The following ZW10 variants were observed in gnomAD, a reference collection of about 807,000 sequenced individuals.
ZW10 encodes the protein centromere/kinetochore protein zw10 homolog.
Under a neutral mutation model 87.8 loss-of-function variants are expected in ZW10, and 53 were observed. That is an observed-to-expected ratio of 0.60 (90% CI 0.48 to 0.76). The LOEUF (loss-of-function observed/expected upper bound fraction) is 0.76, where lower values mean the gene tolerates loss of function less well. Among genes scored for constraint, ZW10 ranks in the 30% least tolerant of loss-of-function variants. The pLI is 0.00. For synonymous variants in ZW10, 312 were observed against 329.2 expected (o/e 0.95, Z 0.57); for missense variants, 837 against 923.0 (o/e 0.91, Z 1.21).
chr11:113,763,274 C>T (rs1162407073), intron 2 of ZW10, among the ~76,000 whole-genome samples: 1 of 152,162 alleles, frequency 6.6e-6, no homozygotes, highest in Admixed American at 6.5e-5. Context: ...CATTGATGGG[C>T]ATTTCGGTTG....
At chr11:113,763,942 T>C (rs951744763) in intron 2 of ZW10, among the ~76,000 whole-genome samples, 2 of 152,236 alleles carry the variant, frequency 1.3e-5, no homozygotes, top group African/African-American at 4.8e-5. Flanking sequence ...CCCATGCCTA[T>C]GTCCTGAATG....
rs148427070 is a variant in ZW10 at position 113,739,355 on chromosome 11, C to T, written c.1611G>A (p.Leu537=). The T allele has an allele frequency of 1.9e-6, 3 of 1,602,294 alleles. No individual in the cohort carries two copies. The African/African-American group carries it at 4.0e-5, about 22-fold the overall frequency. Residue 537 remains leucine, a synonymous_variant, in exon 12 of 16, where the codon TTG becomes TTA. Coordinates refer to ENST00000200135, the MANE Select transcript of ZW10 (RefSeq NM_004724.4). ...TACAGTTGTTGTGATGAATAGCAGC[C>T]AACTGGGGAAGTTTTTGAAGGTTCT... ...HKENLQKLPQ[L]AAIHHNNCMY... is the part of the protein sequence containing the mutation.
chr11:113,766,758 C>G lies in ZW10; in HGVS notation c.240+2075G>C, dbSNP rs188046696. 5.4e-4 allele frequency among the ~76,000 whole-genome samples: 79 copies of G among 145,656 alleles called. No individual in the cohort carries two copies. The East Asian group carries it at 0.015, about 27-fold the overall frequency. ...GAGGCTGGGTATAGTGGCTCACGCC[C>G]GTAATCCCAGCACTTTGGGAGGCAG... On this transcript the variant is annotated intron_variant, in intron 2 of 15. Transcript: ENST00000200135.
At chr11:113,758,261 T>C (rs1365087356) in intron 6 of ZW10, among the ~76,000 whole-genome samples, 1 of 151,682 alleles carries the variant, frequency 6.6e-6, no homozygotes, top group Admixed American at 6.6e-5. Context: ...TACCATGACA[T>C]TACACACCAA....
At chr11:113,746,495 C>CAAAAAAAAAAAAAAAAAAAAAAAAACA (rs566009326) in intron 9 of ZW10, among the ~76,000 whole-genome samples, 1 of 105,342 alleles carries the variant, frequency 9.5e-6, no homozygotes, top group Non-Finnish European at 1.8e-5. Context: ...ACAAAACAGT[C>CAAAAAAAAAAAAAAAAAAAAAAAAACA]AAAAAAAAAA....
rs1195630850 is a variant in ZW10 at position 113,747,833 on chromosome 11, T to C, written c.1090-120A>G. The C allele has an allele frequency of 1.0e-5, 7 of 680,796 alleles. No homozygotes were observed. In the South Asian group the frequency reaches 1.7e-4, roughly 17 times the overall value. 42.2% of individuals were successfully genotyped at this position (680,796 alleles called of 1,614,324 possible). A position where few individuals can be genotyped will look rare whatever the true frequency, so the allele number is the denominator to read the frequency against. ...AAGCTGGTCATTTTAGAATGGACCA[T>C]CAATTACTAGGTATAAAAATATACA... On this transcript the variant is annotated intron_variant, in intron 8 of 15. Transcript: ENST00000200135.
At chr11:113,746,495 C>CAAAAAAAAAAAAAAAAAAAAAAGAAA (rs566009326) in intron 9 of ZW10, among the ~76,000 whole-genome samples, 1 of 105,342 alleles carries the variant, frequency 9.5e-6, no homozygotes, top group Non-Finnish European at 1.8e-5. Context: ...ACAAAACAGT[C>CAAAAAAAAAAAAAAAAAAAAAAGAAA]AAAAAAAAAA....
intron 7 of ZW10, among the ~76,000 whole-genome samples, chr11:113,754,422 T>C (rs1354138221): frequency 1.3e-5 from 2 of 151,686 alleles, no homozygotes; most frequent in Non-Finnish European, 2.9e-5. Flanking sequence ...GAGGCAGAGG[T>C]TGCAGTGAGC....
In ZW10 at chr11:113,758,590, C is replaced by T; in HGVS notation, c.697G>A (p.Val233Ile). ...PISSVLLAFS[V>I]LGELHSKLKS... ...AGCTTGCTGTGTAGTTCTCCAAGAA[C>T]AGAAAATGCCAAGAGGACAGAACTG... The change falls in exon 6 of 16, where the codon GTT becomes ATT. Residue 233 changes from valine (V) to isoleucine (I), a missense_variant. Physicochemically the swap from Val to Ile is conservative, Grantham distance 29. Coordinates refer to ENST00000200135, the MANE Select transcript of ZW10 (RefSeq NM_004724.4). 1 of 1,614,022 alleles carries T rather than the reference C, an allele frequency of 6.2e-7. No homozygotes were observed. The highest frequency in any genetic ancestry group is 8.5e-7 in the Non-Finnish European group (1 of 1,179,986).
rs115644452 is a variant in ZW10 at position 113,765,113 on chromosome 11, C to A, written c.240+3720G>T. On this transcript the variant is annotated intron_variant, in intron 2 of 15. Coordinates refer to ENST00000200135, the MANE Select transcript of ZW10 (RefSeq NM_004724.4). The stretch of plus-strand genomic sequence containing the variant: ...TGCTAACACAATACAATGTACAGGA[C>A]AGACCTCTACAACAAAGAATTATCC... Among the ~76,000 whole-genome samples, 413 of 152,312 alleles carry A rather than the reference C, an allele frequency of 2.7e-3. 3 individuals carry two copies. The highest frequency in any genetic ancestry group is 9.4e-3 in the African/African-American group (392 of 41,568).
At chr11:113,766,224 G>C (rs1336212802) in intron 2 of ZW10, among the ~76,000 whole-genome samples, 1 of 151,838 alleles carries the variant, frequency 6.6e-6, no homozygotes, top group Non-Finnish European at 1.5e-5. Context: ...ATTTAGCTGG[G>C]CATGATGGCT....
chr11:113,755,880 A>T (rs190436936), intron 7 of ZW10, among the ~76,000 whole-genome samples: 36 of 152,320 alleles, frequency 2.4e-4, no homozygotes, highest in Admixed American at 1.4e-3. Context: ...GATCGTTGGC[A>T]CTTTTTAATA....
rs1275278026 is a variant in ZW10, at chr11:113,739,325, G to C, written c.1641C>G (p.Tyr547Ter). Residue 547 changes from tyrosine to a stop codon, truncating the protein, a stop_gained, in exon 12 of 16, where the codon TAC becomes TAG. Transcript: ENST00000200135. LOFTEE classifies it high-confidence loss of function. ...LAAIHHNNCM[Y>*]IAHHLLTLGH... ...CGAGGGTCAGCAAGTGGTGAGCAAT[G>C]TACATACAGTTGTTGTGATGAATAG... 6.2e-7 allele frequency: 1 copy of C among 1,612,076 alleles called. No homozygotes were observed. Among genetic ancestry groups the C allele is most frequent in the Non-Finnish European group, 8.5e-7 (1 of 1,179,208 alleles).
intron 9 of ZW10, 132 bp from the exon 10 acceptor site, chr11:113,744,172 G>T: frequency 1.5e-6 from 1 of 675,520 alleles, no homozygotes; most frequent in Non-Finnish European, 2.5e-6. Flanking sequence ...CAGATCACGA[G>T]GTCAGGAGAT....
chr11:113,741,357 AC>A (rs1953616532), intron 11 of ZW10, among the ~76,000 whole-genome samples: 1 of 152,194 alleles, frequency 6.6e-6, no homozygotes, highest in Non-Finnish European at 1.5e-5. Flanking sequence ...TTTATGAAAA[AC>A]ATCTAAACAT....
chr11:113,747,032 GA>G lies in ZW10; in HGVS notation c.1272+498del, dbSNP rs999239658. 4.8e-4 allele frequency among the ~76,000 whole-genome samples: 69 copies of G among 145,064 alleles called. No homozygotes were observed. In the East Asian group the frequency reaches 8.8e-3, roughly 18 times the overall value. ...ACATTATTTCATACATGTAAGATAT[GA>G]AAAAAAAAAGGTCAAAGGTCCACTG... On this transcript the variant is annotated intron_variant, in intron 9 of 15. Transcript: ENST00000200135.
intron 1 of ZW10, chr11:113,769,656 C>A (rs1356813271): frequency 3.3e-6 from 1 of 304,306 alleles, no homozygotes. Flanking sequence ...GGACTCCAGG[C>A]ATCATGTACT....
At chr11:113,758,329 T>C (rs1279949819) in intron 6 of ZW10, among the ~76,000 whole-genome samples, 1 of 149,638 alleles carries the variant, frequency 6.7e-6, no homozygotes, top group African/African-American at 2.5e-5. Flanking sequence ...CAGATTTTTA[T>C]TTAAATTATT....
At chr11:113,761,002 C>A in intron 2 of ZW10, 84 bp from the exon 3 acceptor site, 1 of 984,386 alleles carries the variant, frequency 1.0e-6, no homozygotes, top group African/African-American at 1.6e-5. Context: ...ATAAGCTTTA[C>A]TAGGTCAACA....
Sources: allele counts gnomAD v4.1 joint callset (sites outside exome capture counted in the v4.1 genomes callset), GRCh38; gene constraint gnomAD v4.1.1; transcripts MANE v1.5; gene names NCBI Gene and HGNC (gene_info 2026-07-23, HGNC 2026-07-21).